The following AGPAT3 variants were observed in gnomAD, a reference collection of about 807,000 sequenced individuals.
AGPAT3 encodes 1-acyl-sn-glycerol-3-phosphate acyltransferase gamma.
A neutral mutation model predicts 47.3 loss-of-function variants in AGPAT3; 5 were observed. The observed-to-expected ratio is 0.11, with a 90% CI of 0.06 to 0.22. AGPAT3 has a LOEUF of 0.22. Ranked by LOEUF, AGPAT3 falls within the 10% of genes least tolerant of loss-of-function variation. The pLI is 1.00. For missense variants in AGPAT3, 315 were observed against 493.0 expected, an observed-to-expected ratio of 0.64 and a Z score of 3.42; for synonymous variants, 212 against 208.3, an observed-to-expected ratio of 1.02 and a Z score of -0.15.
chr21:43,883,355 C>T (rs1219007597), intron 1 of AGPAT3, among the ~76,000 whole-genome samples: 1 of 152,276 alleles, frequency 6.6e-6, no homozygotes, highest in Non-Finnish European at 1.5e-5. Context: ...GAGCCTCCGA[C>T]ACCGGTTCTG....
chr21:43,956,530 C>T (rs2088475568), intron 2 of AGPAT3, among the ~76,000 whole-genome samples: 1 of 152,204 alleles, frequency 6.6e-6, no homozygotes, highest in African/African-American at 2.4e-5. Flanking sequence ...TTTGTTGCCC[C>T]CTTGTCTTTT....
rs1399277093 is a variant in AGPAT3, at chr21:43,970,005, A to AG, written c.511-647dup. Among the ~76,000 whole-genome samples, 1 of 145,558 alleles carries AG rather than the reference A, an allele frequency of 6.9e-6. No individual in the cohort carries two copies. The highest frequency in any genetic ancestry group is 1.5e-5 in the Non-Finnish European group (1 of 67,790). ...TGAGCCAGCTTGCCAGCCTGCTGTT[A>AG]GCATTTCTTTTTTTTTGTTTTGAGA... On this transcript the variant is annotated intron_variant, in intron 5 of 9. Coordinates refer to ENST00000291572, the MANE Select transcript of AGPAT3 (RefSeq NM_020132.5). The surrounding 1 kb of genome is among the most constrained non-coding windows in gnomAD (Gnocchi z 5.8).
At chr21:43,980,924 C>G (rs2146948080) in intron 8 of AGPAT3, 65 bp from the exon 9 acceptor site, 1 of 1,354,998 alleles carries the variant, frequency 7.4e-7, no homozygotes, top group African/African-American at 1.5e-5. Context: ...ACAATCTTCT[C>G]CTGCATTGAA....
intron 2 of AGPAT3, among the ~76,000 whole-genome samples, chr21:43,905,556 G>C (rs1417540939): frequency 6.6e-6 from 1 of 152,134 alleles, no homozygotes; most frequent in Non-Finnish European, 1.5e-5. Context: ...AGATACTAAC[G>C]ATACTATAAA....
Position 43,982,247 on chromosome 21 carries a change from C to A in AGPAT3, c.1043-57C>A. The A allele has an allele frequency of 7.2e-7, 1 of 1,391,354 alleles. No homozygotes were observed. The highest frequency in any genetic ancestry group is 1.0e-6 in the Non-Finnish European group (1 of 986,538). 86.2% of individuals were successfully genotyped at this position (1,391,354 alleles called of 1,614,324 possible). The stretch of plus-strand genomic sequence containing the variant: ...AAGGAAGCCCCAGTAACACGTTTTA[C>A]AGCAAAAAGGCAAAGTCATCCGTCT... On this transcript the variant is annotated intron_variant, in intron 9 of 9. Transcript: ENST00000291572. The surrounding 1 kb of genome is among the most constrained non-coding windows in gnomAD (Gnocchi z 6.2).
chr21:43,955,766 CATG>C lies in AGPAT3; in HGVS notation c.-48-3867_-48-3865del, dbSNP rs1488381390. ...ACTAAACATACAAAAATTTGCTGGA[CATG>C]GTGGTGCATACCTGTGGTCCCAGCT... On this transcript the variant is annotated intron_variant, in intron 2 of 9. Transcript: ENST00000291572. The surrounding 1 kb of genome is among the most constrained non-coding windows in gnomAD (Gnocchi z 4.1). 6.6e-6 allele frequency among the ~76,000 whole-genome samples: 1 copy of C among 151,864 alleles called. No individual in the cohort carries two copies. Among genetic ancestry groups the C allele is most frequent in the East Asian group, 2.0e-4 (1 of 5,066 alleles).
chr21:43,960,752 A>G (rs933671754), intron 3 of AGPAT3: 4 of 985,274 alleles, frequency 4.1e-6, no homozygotes, highest in Admixed American at 6.1e-5. Flanking sequence ...GTTTTAAGCG[A>G]AAAAGGAAGT....
intron 2 of AGPAT3, among the ~76,000 whole-genome samples, chr21:43,942,745 C>T (rs543305808): frequency 7.2e-5 from 11 of 152,308 alleles, no homozygotes; most frequent in African/African-American, 2.6e-4. Context: ...GCAGCGGTCA[C>T]CCTGGGCTGC....
At chr21:43,967,889 C>T in intron 3 of AGPAT3, 57 bp from the exon 4 acceptor site, 1 of 1,569,878 alleles carries the variant, frequency 6.4e-7, no homozygotes, top group Non-Finnish European at 8.7e-7. Flanking sequence ...TGGGCGCTCC[C>T]TGACCATCCC....
intron 2 of AGPAT3, among the ~76,000 whole-genome samples, chr21:43,937,796 TTC>T (rs1167345377): frequency 6.6e-6 from 1 of 152,130 alleles, no homozygotes; most frequent in East Asian, 1.9e-4. Flanking sequence ...AAAGACTCCT[TTC>T]TCTCTCTCAT....
At chr21:43,879,339 C>A in intron 1 of AGPAT3, among the ~76,000 whole-genome samples, 1 of 112,208 alleles carries the variant, frequency 8.9e-6, no homozygotes, top group African/African-American at 3.7e-5. Context: ...CAGAGTGAGA[C>A]TCTATCTCAA....
At chr21:43,917,923 G>GT (rs1387327870) in intron 2 of AGPAT3, among the ~76,000 whole-genome samples, 5 of 86,862 alleles carry the variant, frequency 5.8e-5, no homozygotes, top group African/African-American at 2.5e-4. Flanking sequence ...TGTTGTAGGG[G>GT]GTGTGGGTGT....
chr21:43,899,694 G>A (rs554369424), intron 1 of AGPAT3, among the ~76,000 whole-genome samples: 11 of 152,248 alleles, frequency 7.2e-5, no homozygotes, highest in African/African-American at 1.4e-4. Flanking sequence ...GCTCCCCACC[G>A]CTGAGGATCA....
chr21:43,969,046 G>A (rs528715305), intron 4 of AGPAT3, 72 bp from the exon 5 acceptor site: 67 of 1,521,304 alleles, frequency 4.4e-5, no homozygotes, highest in Admixed American at 2.7e-4. Context: ...TGGGTGCAGC[G>A]GGAGCCTGGC....
rs762549155 is a variant in AGPAT3, at chr21:43,982,026, C to T, written c.1043-278C>T. Among the ~76,000 whole-genome samples, 1 of 152,256 alleles carries T rather than the reference C, an allele frequency of 6.6e-6. No homozygotes were observed. The highest frequency in any genetic ancestry group is 6.5e-5 in the Admixed American group (1 of 15,286). On this transcript the variant is annotated intron_variant, in intron 9 of 9. Coordinates refer to ENST00000291572, the MANE Select transcript of AGPAT3 (RefSeq NM_020132.5). This position sits in a 1 kb window ranked among gnomAD's most constrained non-coding sequence, Gnocchi z 6.2. ...CCCGAAGCCCTTCTGCTCCCACCAG[C>T]CAAAGACCCAGAGGGGCAGGCAGGG...
chr21:43,946,791 G>A (rs1310038259), intron 2 of AGPAT3: 1 of 152,336 alleles, frequency 6.6e-6, no homozygotes, highest in Non-Finnish European at 1.5e-5. Flanking sequence ...GTGTGTACAT[G>A]GGCGTGTGTG....
chr21:43,885,774 A>G (rs1384545096), intron 1 of AGPAT3, among the ~76,000 whole-genome samples: 1 of 152,242 alleles, frequency 6.6e-6, no homozygotes, highest in Non-Finnish European at 1.5e-5. Context: ...GGAAGCCTGG[A>G]GTATACGGCC....
At chr21:43,946,351 G>T (rs2087888271) in intron 2 of AGPAT3, among the ~76,000 whole-genome samples, 1 of 151,998 alleles carries the variant, frequency 6.6e-6, no homozygotes, top group African/African-American at 2.4e-5. Context: ...TATAATCCCA[G>T]CACTTTGGGA....
intron 1 of AGPAT3, among the ~76,000 whole-genome samples, chr21:43,903,610 C>T (rs1377814611): frequency 6.6e-6 from 1 of 152,176 alleles, no homozygotes; most frequent in East Asian, 1.9e-4. Flanking sequence ...TCCGGAGGGG[C>T]CCATGGTGGC....
Sources: allele counts gnomAD v4.1 joint callset (sites outside exome capture counted in the v4.1 genomes callset), GRCh38; gene constraint gnomAD v4.1.1; non-coding constraint Gnocchi (gnomAD v3.1); transcripts MANE v1.5; gene names NCBI Gene and HGNC (gene_info 2026-07-23, HGNC 2026-07-21).